SLC30A4: variants seen among roughly 807,000 people sequenced by gnomAD.
SLC30A4 encodes the protein solute carrier family 30 member 4.
SLC30A4 carries 20 observed loss-of-function variants against 41.7 expected under a neutral mutation model. That is an observed-to-expected ratio of 0.48 (90% CI 0.34 to 0.70). The LOEUF (loss-of-function observed/expected upper bound fraction) is 0.70. Ranked by LOEUF, SLC30A4 falls within the 30% of genes least tolerant of loss-of-function variation. The pLI is 0.01. For synonymous variants in SLC30A4, 181 were observed against 195.9 expected (o/e 0.92, Z 0.64); for missense variants, 441 against 529.3 (o/e 0.83, Z 1.64).
At chr15:45,486,895 A>G in intron 6 of SLC30A4, 150 bp from the exon 7 acceptor site, 1 of 488,512 alleles carries the variant, frequency 2.0e-6, no homozygotes, top group Non-Finnish European at 3.5e-6. Flanking sequence ...AAGATAAACC[A>G]TGTACACATA....
In SLC30A4 at chr15:45,515,429, T is replaced by C. The variant is rs557170000; in HGVS notation, c.392-4145A>G. Among the ~76,000 whole-genome samples the C allele has an allele frequency of 3.3e-5, 5 of 151,790 alleles. No individual in the cohort carries two copies. In the South Asian group the frequency reaches 6.2e-4, roughly 19 times the overall value. Reference sequence around the variant, plus strand: ...CAGCACTTTGGGAGGCCGAGGCGGGTGGATCACGAGGTCAGGAGATGGAGA... The same window carrying C: ...CAGCACTTTGGGAGGCCGAGGCGGGCGGATCACGAGGTCAGGAGATGGAGA... On this transcript the variant is annotated intron_variant, in intron 2 of 7. Coordinates refer to ENST00000261867, the MANE Select transcript of SLC30A4 (RefSeq NM_013309.6).
chr15:45,504,775 C>T (rs2140834569), intron 3 of SLC30A4, among the ~76,000 whole-genome samples: 1 of 152,202 alleles, frequency 6.6e-6, no homozygotes, highest in South Asian at 2.1e-4. Flanking sequence ...TTTCCTTTTA[C>T]AAATAGAAAA....
chr15:45,517,917 C>T (rs1892539480), intron 2 of SLC30A4, among the ~76,000 whole-genome samples: 1 of 152,216 alleles, frequency 6.6e-6, no homozygotes, highest in African/African-American at 2.4e-5. Flanking sequence ...CACTGCACTC[C>T]AGGCTGGGCG....
At chr15:45,490,671 AAT>A (rs2140816292) in intron 4 of SLC30A4, 55 bp downstream of exon 4, 1 of 1,149,438 alleles carries the variant, frequency 8.7e-7, no homozygotes, top group East Asian at 2.4e-5. Flanking sequence ...ATGCATATGC[AAT>A]AGTCTCTGAG....
chr15:45,521,601 G>A (rs1186362041), intron 2 of SLC30A4, among the ~76,000 whole-genome samples: 1 of 151,782 alleles, frequency 6.6e-6, no homozygotes, highest in Non-Finnish European at 1.5e-5. Flanking sequence ...AAAATTCTAT[G>A]ATCTTAAGTT....
chr15:45,499,944 A>T (rs1891986784), intron 3 of SLC30A4, among the ~76,000 whole-genome samples: 1 of 152,234 alleles, frequency 6.6e-6, no homozygotes, highest in Non-Finnish European at 1.5e-5. Flanking sequence ...TGGAATAGCC[A>T]CTGTATCCCA....
intron 3 of SLC30A4, among the ~76,000 whole-genome samples, chr15:45,509,698 G>A (rs1000055578): frequency 6.6e-6 from 1 of 152,166 alleles, no homozygotes; most frequent in African/African-American, 2.4e-5. Context: ...ATAGCTACTT[G>A]GAATATCACC....
Position 45,522,399 on chromosome 15 carries a change from G to A in SLC30A4, c.-45C>T. 6.6e-7 allele frequency: 1 copy of A among 1,526,168 alleles called. No individual in the cohort carries two copies. Among genetic ancestry groups the A allele is most frequent in the Non-Finnish European group, 8.7e-7 (1 of 1,143,832 alleles). The allele number at this position is 1,526,168 out of a possible 1,614,324, so 94.5% of individuals were successfully genotyped here. ...CGGTGCGGAACGGCTTGGGGGAGGC[G>A]GACGGCCGGCGGCGCCTACTTCACC... is the stretch of plus-strand genomic sequence containing the variant. On this transcript the variant is annotated 5_prime_UTR_variant, in exon 2 of 8. Transcript: ENST00000261867.
Position 45,522,622 on chromosome 15 carries a change from G to C in SLC30A4, c.-130C>G, listed in dbSNP as rs1238368484. On this transcript the variant is annotated 5_prime_UTR_variant, in exon 1 of 8. Transcript: ENST00000261867. ...TATTTAATACCTGGGGCGCTGCCGC[G>C]GGGCCGCAACTCATCTCCCCGCCCC... is the stretch of plus-strand genomic sequence containing the variant. The C allele has an allele frequency of 2.2e-5, 7 of 322,706 alleles. No individual in the cohort carries two copies. Among genetic ancestry groups the C allele is most frequent in the African/African-American group, 8.6e-5 (4 of 46,486 alleles). The allele number at this position is 322,706 out of a possible 1,614,324, so 20.0% of individuals were successfully genotyped here.
intron 3 of SLC30A4, chr15:45,502,100 C>CTTTTTT (rs1203192748): frequency 7.4e-6 from 1 of 134,240 alleles, no homozygotes; most frequent in African/African-American, 2.7e-5. Flanking sequence ...TGACTTTTTA[C>CTTTTTT]TTTTTTTTTT....
chr15:45,506,355 G>A (rs1348122661), intron 3 of SLC30A4, among the ~76,000 whole-genome samples: 3 of 152,116 alleles, frequency 2.0e-5, no homozygotes, highest in Non-Finnish European at 4.4e-5. Context: ...CAACAAGAAT[G>A]GTAACAAACC....
chr15:45,485,705 G>A (rs1052830839), intron 7 of SLC30A4, among the ~76,000 whole-genome samples: 1 of 151,874 alleles, frequency 6.6e-6, no homozygotes, highest in African/African-American at 2.4e-5. Flanking sequence ...AAAGAGCATG[G>A]GAAATATTCT....
intron 7 of SLC30A4, 112 bp downstream of exon 7, chr15:45,486,499 A>C (rs1595520995): frequency 2.9e-6 from 3 of 1,027,830 alleles, no homozygotes; most frequent in East Asian, 2.8e-5. Context: ...TTTTGTCTTA[A>C]AACAAATCTT....
rs1891619542 is a variant in SLC30A4 at position 45,482,587 on chromosome 15, A to ATATT, written c.*2572_*2575dup. The stretch of plus-strand genomic sequence containing the variant: ...TAAAAAAATGATTAGAGTATGATGA[A>ATATT]TATTTTTTTCCTTTCTACTTGCTAG... On this transcript the variant is annotated 3_prime_UTR_variant, in exon 8 of 8. Coordinates refer to ENST00000261867, the MANE Select transcript of SLC30A4 (RefSeq NM_013309.6). 1 of 152,156 alleles carries ATATT rather than the reference A, an allele frequency of 6.6e-6. No homozygotes were observed. The highest frequency in any genetic ancestry group is 6.5e-5 in the Admixed American group (1 of 15,282). 9.4% of individuals were successfully genotyped at this position (152,156 alleles called of 1,614,324 possible). A position where few individuals can be genotyped will look rare whatever the true frequency, so the allele number is the denominator to read the frequency against.
intron 3 of SLC30A4, among the ~76,000 whole-genome samples, chr15:45,510,708 T>A (rs1340444491): frequency 1.3e-5 from 2 of 152,208 alleles, no homozygotes; most frequent in Non-Finnish European, 2.9e-5. Context: ...ATACGATGGC[T>A]GCAGTCAAGT....
intron 7 of SLC30A4, among the ~76,000 whole-genome samples, chr15:45,486,174 C>G (rs541345780): frequency 4.4e-4 from 67 of 151,548 alleles, no homozygotes; most frequent in South Asian, 1.3e-3. Flanking sequence ...AGGCATGCAC[C>G]ACCACGCCTA....
At position 45,480,332 on chromosome 15, in the gene SLC30A4, C is replaced by A. The variant is rs1282696116; in HGVS notation, c.*4831G>T. ...CTGTCTTCTAATTTGCATGCTCCCA[C>A]GAACATCACAAATAATATACCTGAT... On this transcript the variant is annotated 3_prime_UTR_variant, in exon 8 of 8. Coordinates refer to ENST00000261867, the MANE Select transcript of SLC30A4 (RefSeq NM_013309.6). 2 of 152,170 alleles carry A rather than the reference C, an allele frequency of 1.3e-5. No individual in the cohort carries two copies. Among genetic ancestry groups the A allele is most frequent in the African/African-American group, 4.8e-5 (2 of 41,434 alleles). 9.4% of individuals were successfully genotyped at this position (152,170 alleles called of 1,614,324 possible). A position where few individuals can be genotyped will look rare whatever the true frequency, so the allele number is the denominator to read the frequency against.
chr15:45,494,304 A>G (rs1039949237), intron 3 of SLC30A4, among the ~76,000 whole-genome samples: 2 of 152,210 alleles, frequency 1.3e-5, no homozygotes, highest in Admixed American at 1.3e-4. Context: ...TAAATAAGTT[A>G]AAAGAGAAGG....
chr15:45,500,504 A>G lies in SLC30A4; in HGVS notation c.539-9623T>C, dbSNP rs117048076. ...CAAATAGGATCAGCCCCTCACTGAG[A>G]TAAGGAAGAAAAAATTCCCTTCTGA... On this transcript the variant is annotated intron_variant, in intron 3 of 7. Transcript: ENST00000261867. 5.7e-3 allele frequency among the ~76,000 whole-genome samples: 864 copies of G among 152,222 alleles called. 4 individuals carry two copies. The highest frequency in any genetic ancestry group is 8.1e-3 in the Admixed American group (124 of 15,280).
Sources: gnomAD v4.1 joint callset for allele counts (sites outside exome capture counted in the v4.1 genomes callset) on GRCh38, gnomAD v4.1.1 for gene constraint, MANE v1.5 for transcripts, NCBI Gene and HGNC (gene_info 2026-07-23, HGNC 2026-07-21) for gene names.